The following PCDHA11 variants were observed in gnomAD, a reference collection of about 807,000 sequenced individuals.
PCDHA11 encodes the protein protocadherin alpha-11.
Under a neutral mutation model 70.3 loss-of-function variants are expected in PCDHA11, and 61 were observed. The observed-to-expected ratio is 0.87, with a 90% CI of 0.71 to 1.07. PCDHA11 has a LOEUF of 1.07. Ranked by LOEUF, PCDHA11 falls within the 50% of genes least tolerant of loss-of-function variation. The probability of loss-of-function intolerance (pLI) is 0.00; values close to 1 mark genes in which losing one functional copy is unlikely to be tolerated. For missense variants in PCDHA11, 1,324 were observed against 1,237.5 expected (o/e 1.07, Z -1.05); for synonymous variants, 633 against 555.1 (o/e 1.14, Z -1.97).
chr5:140,919,455 ATGT>A (rs2079137711), intron 1 of PCDHA11, among the ~76,000 whole-genome samples: 1 of 152,118 alleles, frequency 6.6e-6, no homozygotes, highest in Admixed American at 6.5e-5. Flanking sequence ...TATTCACATG[ATGT>A]TACTATTGAT....
intron 1 of PCDHA11, chr5:140,968,630 TA>T: frequency 6.2e-7 from 1 of 1,614,192 alleles, no homozygotes; most frequent in Non-Finnish European, 8.5e-7. Flanking sequence ...TTGGCTTTTT[TA>T]CCATCTAGCC....
chr5:140,976,374 A>G (rs1163913998), intron 1 of PCDHA11, among the ~76,000 whole-genome samples: 2 of 152,040 alleles, frequency 1.3e-5, no homozygotes, highest in Non-Finnish European at 2.9e-5. Context: ...AACATGGTGA[A>G]ACCCCATCTC....
chr5:140,875,100 G>A (rs558585314), intron 1 of PCDHA11, among the ~76,000 whole-genome samples: 2 of 152,240 alleles, frequency 1.3e-5, no homozygotes, highest in Admixed American at 6.5e-5. Context: ...TTGATGTTTT[G>A]TTACTAATAT....
At chr5:140,882,567 C>T (rs1554174625) in intron 1 of PCDHA11, 12 of 1,614,092 alleles carry the variant, frequency 7.4e-6, no homozygotes, top group East Asian at 2.2e-5. Context: ...GGGCGGAGCG[C>T]GGAGTGCAGC....
intron 1 of PCDHA11, among the ~76,000 whole-genome samples, chr5:140,888,721 G>A (rs1176739860): frequency 6.6e-6 from 1 of 151,970 alleles, no homozygotes; most frequent in Non-Finnish European, 1.5e-5. Flanking sequence ...AATATTTCCA[G>A]CCCTTTGTGA....
At position 140,869,391 on chromosome 5, in the gene PCDHA11, C is replaced by CG. The variant is rs2051094995; in HGVS notation, c.291dup (p.Gln98AlafsTer30). 6.2e-7 allele frequency: 1 copy of CG among 1,614,020 alleles called. No homozygotes were observed. The highest frequency in any genetic ancestry group is 8.5e-7 in the Non-Finnish European group (1 of 1,180,038). On this transcript the variant is annotated frameshift_variant, in exon 1 of 4. Coordinates refer to ENST00000398640, the MANE Select transcript of PCDHA11 (RefSeq NM_018902.5). LOFTEE classifies it high-confidence loss of function. ...CTCGGATCGACCGCGAGGAGCTGTGCGGGCAGAGCGCGGAGTGCAGCATCC... is the reference window on the plus strand; with the variant it reads ...CTCGGATCGACCGCGAGGAGCTGTGCGGGGCAGAGCGCGGAGTGCAGCATCC...
Position 140,869,446 on chromosome 5 carries a change from C to A in PCDHA11, c.343C>A (p.Gln115Lys), listed in dbSNP as rs2051137912. ...GGAGGTGATCGTGGACAGGCCGCTG[C>A]AGGTTTTCCATGTGAACGTGGAGGT... is the stretch of plus-strand genomic sequence containing the variant. ...HLEVIVDRPL[Q>K]VFHVNVEVKD... The change falls in exon 1 of 4, where the codon CAG becomes AAG. Residue 115 changes from glutamine to lysine, a missense_variant. Coordinates refer to ENST00000398640, the MANE Select transcript of PCDHA11 (RefSeq NM_018902.5). The A allele has an allele frequency of 1.2e-6, 2 of 1,614,070 alleles. No individual in the cohort carries two copies. The highest frequency in any genetic ancestry group is 1.7e-5 in the Admixed American group (1 of 60,002).
chr5:140,929,166 C>A (rs782695019), intron 1 of PCDHA11: 1 of 1,614,146 alleles, frequency 6.2e-7, no homozygotes, highest in Admixed American at 1.7e-5. Context: ...TCTATCGGGC[C>A]TCTCTGGGAC....
At chr5:140,928,603 C>T in intron 1 of PCDHA11, 2 of 1,614,208 alleles carry the variant, frequency 1.2e-6, no homozygotes, top group Admixed American at 3.3e-5. Context: ...GGAAATTGTG[C>T]CCCGCTCTGC....
chr5:141,006,157 A>G (rs2098258108), intron 3 of PCDHA11, among the ~76,000 whole-genome samples: 1 of 150,182 alleles, frequency 6.7e-6, no homozygotes, highest in Non-Finnish European at 1.5e-5. Context: ...GGAGTGATAT[A>G]ATCTGATTTA....
chr5:140,885,485 T>C (rs2060611651), intron 1 of PCDHA11, among the ~76,000 whole-genome samples: 1 of 152,188 alleles, frequency 6.6e-6, no homozygotes, highest in Non-Finnish European at 1.5e-5. Context: ...GTGTCAAGTG[T>C]TCTGTTATCT....
At chr5:140,986,031 G>A (rs1443664535) in intron 3 of PCDHA11, among the ~76,000 whole-genome samples, 5 of 152,198 alleles carry the variant, frequency 3.3e-5, no homozygotes, top group South Asian at 2.1e-4. Flanking sequence ...GAGCCACTGC[G>A]CCTGGCCTCA....
chr5:140,929,995 C>A (rs543771321), intron 1 of PCDHA11: 1 of 152,108 alleles, frequency 6.6e-6, no homozygotes, highest in Admixed American at 6.5e-5. Context: ...GGAATGACAC[C>A]CTAAAACATA....
Position 140,929,272 on chromosome 5 carries a change from T to G in PCDHA11, c.2392-49677T>G, listed in dbSNP as rs560527071. Reference sequence around the variant, plus strand: ...TGGGGTAGGACTGAATTTGCCAATATCCTGTATTCAGATTCGGAATAGGAA... The same window carrying G: ...TGGGGTAGGACTGAATTTGCCAATAGCCTGTATTCAGATTCGGAATAGGAA... On this transcript the variant is annotated intron_variant, in intron 1 of 3. Transcript: ENST00000398640. The G allele has an allele frequency of 1.3e-4, 206 of 1,607,152 alleles. 1 individual carries two copies. The South Asian group carries it at 2.1e-3, about 17-fold the overall frequency.
intron 3 of PCDHA11, among the ~76,000 whole-genome samples, chr5:141,000,194 G>A (rs2097896080): frequency 6.6e-6 from 1 of 151,746 alleles, no homozygotes; most frequent in South Asian, 2.1e-4. Context: ...TGTGAGAATA[G>A]TTTTTCACCT....
At chr5:140,912,908 A>T (rs986770915) in intron 1 of PCDHA11, among the ~76,000 whole-genome samples, 8 of 152,188 alleles carry the variant, frequency 5.3e-5, no homozygotes, top group African/African-American at 1.9e-4. Flanking sequence ...TATCATATTG[A>T]TTGATTTGTG....
At chr5:140,875,662 T>C (rs782787124) in intron 1 of PCDHA11, 32 of 1,613,752 alleles carry the variant, frequency 2.0e-5, no homozygotes, top group Non-Finnish European at 2.6e-5. Context: ...GCCGCGCCTG[T>C]TCCGGGTGGC....
chr5:140,975,396 A>G (rs1366048936), intron 1 of PCDHA11, among the ~76,000 whole-genome samples: 2 of 152,248 alleles, frequency 1.3e-5, no homozygotes, highest in African/African-American at 4.8e-5. Flanking sequence ...GATCCATCAC[A>G]ATCACAGTCT....
chr5:140,970,933 G>T (rs782607345), intron 1 of PCDHA11, among the ~76,000 whole-genome samples: 6 of 152,176 alleles, frequency 3.9e-5, no homozygotes, highest in African/African-American at 9.7e-5. Context: ...CCTGGTGTTA[G>T]TCAATGCTGA....
Sources: gnomAD v4.1 joint callset for allele counts (sites outside exome capture counted in the v4.1 genomes callset) on GRCh38, gnomAD v4.1.1 for gene constraint, MANE v1.5 for transcripts, NCBI Gene and HGNC (gene_info 2026-07-23, HGNC 2026-07-21) for gene names.